The following CHCHD6 variants were observed in gnomAD, a reference collection of about 807,000 sequenced individuals.
CHCHD6 encodes the protein MICOS complex subunit MIC25.
A neutral mutation model predicts 32.3 loss-of-function variants in CHCHD6; 28 were observed. The observed-to-expected ratio is 0.87, with a 90% CI of 0.64 to 1.19. The LOEUF (loss-of-function observed/expected upper bound fraction) is 1.19. CHCHD6 is among the 50% of genes most tolerant of loss of function. The pLI is 0.00. For missense variants in CHCHD6, 333 were observed against 307.0 expected (o/e 1.08, Z -0.63); for synonymous variants, 122 against 117.5 (o/e 1.04, Z -0.25).
At chr3:126,722,884 AG>A (rs1255146780) in intron 1 of CHCHD6, among the ~76,000 whole-genome samples, 1 of 152,232 alleles carries the variant, frequency 6.6e-6, no homozygotes, top group Non-Finnish European at 1.5e-5. Context: ...GCCAAAGCCA[AG>A]GTCATAATGA....
intron 4 of CHCHD6, among the ~76,000 whole-genome samples, chr3:126,782,344 G>A (rs1224337051): frequency 1.3e-5 from 2 of 152,196 alleles, no homozygotes; most frequent in African/African-American, 2.4e-5. Context: ...TTCCCTGTTG[G>A]TTTTAGTGTC....
chr3:126,929,291 G>T (rs16837834), intron 6 of CHCHD6, among the ~76,000 whole-genome samples: 2 of 152,070 alleles, frequency 1.3e-5, no homozygotes, highest in Admixed American at 1.3e-4. Context: ...TGCAGGCATC[G>T]TCTCTCTTGT....
At chr3:126,746,768 T>C (rs1221966030) in intron 4 of CHCHD6, among the ~76,000 whole-genome samples, 3 of 152,226 alleles carry the variant, frequency 2.0e-5, no homozygotes, top group Non-Finnish European at 4.4e-5. Context: ...ATGAGAAATA[T>C]GTAGGGCTGT....
chr3:126,863,495 C>T (rs1411702544), intron 5 of CHCHD6, among the ~76,000 whole-genome samples: 3 of 144,520 alleles, frequency 2.1e-5, no homozygotes, highest in Non-Finnish European at 3.0e-5. Context: ...ACCTCCTCCT[C>T]CTCTACTATC....
chr3:126,844,651 G>T (rs915645150), intron 4 of CHCHD6, among the ~76,000 whole-genome samples: 1 of 152,070 alleles, frequency 6.6e-6, no homozygotes, highest in East Asian at 1.9e-4. Flanking sequence ...CCTTCTCATT[G>T]GGGAGTGTGA....
At chr3:126,852,604 C>T (rs766944623) in intron 4 of CHCHD6, 43 bp from the exon 5 acceptor site, 2 of 1,431,338 alleles carry the variant, frequency 1.4e-6, no homozygotes, top group Admixed American at 1.7e-5. Context: ...CATTCCAGCA[C>T]CATCGCTGCT....
chr3:126,835,577 A>G (rs147782253), intron 4 of CHCHD6, among the ~76,000 whole-genome samples: 1 of 152,328 alleles, frequency 6.6e-6, no homozygotes, highest in East Asian at 1.9e-4. Context: ...TGGGCAGTTC[A>G]TCACTCCTGT....
At chr3:126,796,142 C>A (rs925920713) in intron 4 of CHCHD6, among the ~76,000 whole-genome samples, 1 of 152,048 alleles carries the variant, frequency 6.6e-6, no homozygotes, top group Non-Finnish European at 1.5e-5. Context: ...CCCAGGAGTT[C>A]AAGACGAGCC....
At chr3:126,883,288 A>T (rs2077636141) in intron 5 of CHCHD6, among the ~76,000 whole-genome samples, 1 of 151,894 alleles carries the variant, frequency 6.6e-6, no homozygotes, top group Non-Finnish European at 1.5e-5. Flanking sequence ...GGGAACCCCA[A>T]CTCGAAGCCG....
chr3:126,879,315 G>A (rs1034158410), intron 5 of CHCHD6, among the ~76,000 whole-genome samples: 1 of 152,206 alleles, frequency 6.6e-6, no homozygotes, highest in African/African-American at 2.4e-5. Context: ...GGGAGACATT[G>A]CTGTGGCCAT....
intron 1 of CHCHD6, among the ~76,000 whole-genome samples, chr3:126,709,026 C>T (rs1934632495): frequency 6.6e-6 from 1 of 152,194 alleles, no homozygotes; most frequent in South Asian, 2.1e-4. Flanking sequence ...ATATACTACA[C>T]ATATTCTCCT....
chr3:126,849,030 A>T (rs1039188013), intron 4 of CHCHD6, among the ~76,000 whole-genome samples: 2 of 152,214 alleles, frequency 1.3e-5, no homozygotes, highest in Non-Finnish European at 2.9e-5. Context: ...TCCTGGTGAT[A>T]TTGCAGAGCC....
intron 5 of CHCHD6, among the ~76,000 whole-genome samples, chr3:126,885,397 T>C (rs986439222): frequency 6.6e-6 from 1 of 152,214 alleles, no homozygotes; most frequent in African/African-American, 2.4e-5. Context: ...CCACTTCTTA[T>C]CAGAGAGAAC....
intron 4 of CHCHD6, among the ~76,000 whole-genome samples, chr3:126,778,461 T>A (rs746580059): frequency 2.6e-5 from 4 of 152,230 alleles, no homozygotes; most frequent in Non-Finnish European, 5.9e-5. Flanking sequence ...GGCATCCTAG[T>A]GGATGTGATG....
chr3:126,726,489 C>T (rs943172889), intron 1 of CHCHD6, among the ~76,000 whole-genome samples: 1 of 152,148 alleles, frequency 6.6e-6, no homozygotes, highest in Non-Finnish European at 1.5e-5. Flanking sequence ...AAAGTACATG[C>T]TGTTGGAAAG....
At chr3:126,768,042 G>T (rs1455242594) in intron 4 of CHCHD6, among the ~76,000 whole-genome samples, 9 of 152,146 alleles carry the variant, frequency 5.9e-5, no homozygotes, top group African/African-American at 2.2e-4. Flanking sequence ...ATCGTGAATA[G>T]TGCTGCAGTG....
intron 6 of CHCHD6, among the ~76,000 whole-genome samples, chr3:126,942,846 T>C (rs2078580046): frequency 6.6e-6 from 1 of 152,154 alleles, no homozygotes; most frequent in South Asian, 2.1e-4. Context: ...GTACACAGAG[T>C]GCATGTGTAT....
intron 4 of CHCHD6, among the ~76,000 whole-genome samples, chr3:126,823,136 C>G (rs1472120588): frequency 6.7e-6 from 1 of 150,318 alleles, no homozygotes; most frequent in Admixed American, 6.6e-5. Flanking sequence ...AGGCTGGTCT[C>G]AGACTCCTGG....
At chr3:126,929,991 C>T (rs1310160468) in intron 6 of CHCHD6, among the ~76,000 whole-genome samples, 1 of 152,224 alleles carries the variant, frequency 6.6e-6, no homozygotes, top group Non-Finnish European at 1.5e-5. Flanking sequence ...GTACAGTGAT[C>T]CATCTAGTTC....
Sources: gnomAD v4.1 joint callset for allele counts (sites outside exome capture counted in the v4.1 genomes callset) on GRCh38, gnomAD v4.1.1 for gene constraint, MANE v1.5 for transcripts, NCBI Gene and HGNC (gene_info 2026-07-23, HGNC 2026-07-21) for gene names.